The following OSBPL2 variants were observed in gnomAD, a reference collection of about 807,000 sequenced individuals.
OSBPL2 encodes oxysterol binding protein like 2, also known as oxysterol-binding protein-related protein 2.
In OSBPL2, 18 loss-of-function variants were observed where a neutral mutation model predicts 58.4. The observed-to-expected ratio is 0.31, with a 90% CI of 0.21 to 0.46. The LOEUF is 0.46. OSBPL2 is among the 20% of genes least tolerant of loss of function. The pLI, the probability that OSBPL2 is intolerant of heterozygous loss-of-function variation, is 1.00. For missense variants in OSBPL2, 461 were observed against 616.5 expected (o/e 0.75, Z 2.67); for synonymous variants, 221 against 234.1 (o/e 0.94, Z 0.51).
At chr20:62,291,313 C>G (rs1285861876) in intron 12 of OSBPL2, 1 of 326,830 alleles carries the variant, frequency 3.1e-6, no homozygotes, top group Admixed American at 4.4e-5. Flanking sequence ...AAAGGGAGCT[C>G]GTCTTTGGGA....
intron 1 of OSBPL2, among the ~76,000 whole-genome samples, chr20:62,247,955 G>T (rs1029998080): frequency 2.0e-5 from 3 of 151,790 alleles, no homozygotes; most frequent in African/African-American, 7.3e-5. Context: ...GAGCCACTAC[G>T]CCCGGCCCCT....
chr20:62,247,093 G>A (rs571577316), intron 1 of OSBPL2, among the ~76,000 whole-genome samples: 1 of 152,324 alleles, frequency 6.6e-6, no homozygotes, highest in Admixed American at 6.5e-5. Context: ...GCCGGCCCCA[G>A]CCTGACCTAG....
intron 4 of OSBPL2, among the ~76,000 whole-genome samples, chr20:62,266,824 T>A (rs781674203): frequency 1.3e-5 from 2 of 152,228 alleles, no homozygotes; most frequent in Non-Finnish European, 2.9e-5. Flanking sequence ...TCATTTAATA[T>A]CATCAGATAC....
intron 13 of OSBPL2, 152 bp downstream of exon 13, chr20:62,291,945 C>T: frequency 5.0e-6 from 3 of 600,206 alleles, no homozygotes; most frequent in South Asian, 1.9e-5. Context: ...CACCCCCACA[C>T]CCCTGTGGCT....
At chr20:62,244,651 C>T (rs377285933) in intron 1 of OSBPL2, among the ~76,000 whole-genome samples, 11 of 152,238 alleles carry the variant, frequency 7.2e-5, no homozygotes, top group Admixed American at 3.9e-4. Flanking sequence ...CCTCGAGGTG[C>T]GTGGTGTATT....
chr20:62,251,016 T>C (rs1432281401), intron 1 of OSBPL2, among the ~76,000 whole-genome samples: 2 of 151,948 alleles, frequency 1.3e-5, no homozygotes, highest in Admixed American at 1.3e-4. Flanking sequence ...GGGAGGCTTT[T>C]CACATAGTGC....
intron 4 of OSBPL2, 32 bp downstream of exon 4, chr20:62,263,723 G>A (rs369060564): frequency 3.0e-5 from 47 of 1,574,810 alleles, no homozygotes; most frequent in Non-Finnish European, 3.9e-5. Context: ...CACACATGGG[G>A]CTGCACCACT....
At chr20:62,292,209 G>T (rs1313080910) in intron 13 of OSBPL2, among the ~76,000 whole-genome samples, 2 of 152,242 alleles carry the variant, frequency 1.3e-5, no homozygotes, top group Non-Finnish European at 2.9e-5. Context: ...GCCTGAATGT[G>T]ACTGCTCCCT....
chr20:62,292,456 G>A (rs1473489236), intron 13 of OSBPL2, among the ~76,000 whole-genome samples: 5 of 152,244 alleles, frequency 3.3e-5, no homozygotes, highest in Non-Finnish European at 5.9e-5. Flanking sequence ...CATGGGCTGC[G>A]TGGGCCTCAC....
rs1351969618 is a variant in OSBPL2 at position 62,286,720 on chromosome 20, C to G, written c.1125+9C>G. 1.9e-6 allele frequency: 3 copies of G among 1,605,962 alleles called. No homozygotes were observed. Among genetic ancestry groups the G allele is most frequent in the South Asian group, 1.1e-5 (1 of 90,852 alleles). On this transcript the variant is annotated intron_variant, in intron 11 of 13. Transcript: ENST00000313733. ...CCCCCAACTCTGCCCAGGTCTGTGT[C>G]CCTCCATGGCCTGACGTCTCTGCCT...
At chr20:62,278,922 G>T in intron 6 of OSBPL2, 1 of 509,260 alleles carries the variant, frequency 2.0e-6, no homozygotes, top group South Asian at 2.5e-5. Flanking sequence ...TTGTGTGTGT[G>T]TGTCTGTTGC....
rs1339925975 is a variant in OSBPL2 at position 62,279,145 on chromosome 20, T to G, written c.492-12T>G. 1.4e-5 allele frequency: 23 copies of G among 1,599,576 alleles called. No homozygotes were observed. Among genetic ancestry groups the G allele is most frequent in the Non-Finnish European group, 2.0e-5 (23 of 1,170,530 alleles). ...CCATTAATGTGTCTCTCTTTTTTAT[T>G]CTTTGACCTAGGGAAGATTTAGGAT... On this transcript the variant is annotated splice_polypyrimidine_tract_variant and intron_variant, in intron 6 of 13. Transcript: ENST00000313733.
chr20:62,287,023 C>G lies in OSBPL2; in HGVS notation c.1125+312C>G, dbSNP rs117204717. On this transcript the variant is annotated intron_variant, in intron 11 of 13. Coordinates refer to ENST00000313733, the MANE Select transcript of OSBPL2 (RefSeq NM_144498.4). The stretch of plus-strand genomic sequence containing the variant: ...CAGAGCTGCCCGCCGGGCACACATG[C>G]TTGTGCTTCCCCTGGGAACATCAGA... Among the ~76,000 whole-genome samples, 75 of 152,356 alleles carry G rather than the reference C, an allele frequency of 4.9e-4. No individual in the cohort carries two copies. The East Asian group carries it at 9.8e-3, about 20-fold the overall frequency.
chr20:62,259,951 C>G (rs758740090), intron 2 of OSBPL2, 30 bp from the exon 3 acceptor site: 2 of 1,601,804 alleles, frequency 1.2e-6, no homozygotes, highest in African/African-American at 1.3e-5. Flanking sequence ...TCAGGTCCAG[C>G]GAAAATGACC....
At chr20:62,291,650 G>A (rs1403514470) in intron 12 of OSBPL2, 53 bp from the exon 13 acceptor site, 37 of 1,456,878 alleles carry the variant, frequency 2.5e-5, no homozygotes, top group Non-Finnish European at 3.0e-5. Flanking sequence ...AGGGGGTGGC[G>A]GGGTGCGGTT....
intron 2 of OSBPL2, among the ~76,000 whole-genome samples, chr20:62,258,563 A>C (rs1395044281): frequency 6.6e-6 from 1 of 152,210 alleles, no homozygotes; most frequent in Non-Finnish European, 1.5e-5. Context: ...TCCTTTGCTC[A>C]TCTGTATTTT....
At chr20:62,272,341 A>G in intron 5 of OSBPL2, 82 bp downstream of exon 5, 1 of 1,520,998 alleles carries the variant, frequency 6.6e-7, no homozygotes. Context: ...TTGGGGCCCC[A>G]GGCATCTGTG....
chr20:62,284,373 C>A, intron 10 of OSBPL2: 2 of 550,474 alleles, frequency 3.6e-6, no homozygotes, highest in Middle Eastern at 3.8e-4. Flanking sequence ...TATTTCTTTC[C>A]ATTTTTTTTT....
intron 1 of OSBPL2, among the ~76,000 whole-genome samples, chr20:62,253,659 AGGTG>A (rs554039500): frequency 7.3e-4 from 104 of 141,602 alleles, no homozygotes; most frequent in African/African-American, 2.6e-3. Context: ...TCATGGCAGA[AGGTG>A]GAAGGGCAAG....
Sources: allele counts gnomAD v4.1 joint callset (sites outside exome capture counted in the v4.1 genomes callset), GRCh38; gene constraint gnomAD v4.1.1; transcripts MANE v1.5; gene names NCBI Gene and HGNC (gene_info 2026-07-23, HGNC 2026-07-21).